Variants in MEIOB observed in about 807,000 individuals in gnomAD.
The protein encoded by MEIOB is meiosis-specific with OB domain-containing protein.
Under a neutral mutation model 53.1 loss-of-function variants are expected in MEIOB, and 50 were observed. The observed-to-expected ratio is 0.94, with a 90% confidence interval of 0.75 to 1.19. The LOEUF (loss-of-function observed/expected upper bound fraction) is 1.19, where lower values mean the gene tolerates loss of function less well. Among genes scored for constraint, MEIOB ranks in the 50% most tolerant of loss-of-function variants. The pLI, the probability that MEIOB is intolerant of heterozygous loss-of-function variation, is 0.00. For missense variants in MEIOB, 551 were observed against 550.8 expected (o/e 1.00, Z 0.00); for synonymous variants, 192 against 182.5 (o/e 1.05, Z -0.42).
chr16:1,846,556 A>C (rs62038438), intron 9 of MEIOB, among the ~76,000 whole-genome samples: 26,577 of 152,032 alleles, frequency 0.17, 2,431 homozygotes, highest in South Asian at 0.26. Flanking sequence ...AGCCCAAATG[A>C]CCATCAGTGG....
intron 12 of MEIOB, 64 bp downstream of exon 12, chr16:1,839,190 AT>A: frequency 6.2e-6 from 9 of 1,459,782 alleles, no homozygotes; most frequent in Admixed American, 2.7e-5. Flanking sequence ...AACAACCTAT[AT>A]TTTTTTGGGA....
At chr16:1,868,915 G>A (rs1207134825) in intron 1 of MEIOB, among the ~76,000 whole-genome samples, 3 of 151,972 alleles carry the variant, frequency 2.0e-5, no homozygotes, top group African/African-American at 7.2e-5. Flanking sequence ...ATAGTTTACT[G>A]CTTTGGAAAA....
intron 3 of MEIOB, among the ~76,000 whole-genome samples, chr16:1,863,886 G>A (rs1019482685): frequency 5.9e-5 from 9 of 152,116 alleles, no homozygotes; most frequent in African/African-American, 1.2e-4. Flanking sequence ...CTGGCTGGGC[G>A]CAGTTGCTCC....
Position 1,844,909 on chromosome 16 carries a change from T to C in MEIOB, c.833A>G (p.Asn278Ser), listed in dbSNP as rs775035952. The C allele has an allele frequency of 2.6e-6, 4 of 1,564,794 alleles. No individual in the cohort carries two copies. Among genetic ancestry groups the C allele is most frequent in the East Asian group, 2.3e-5 (1 of 44,252 alleles). Residue 278 changes from asparagine to serine, a missense_variant, in exon 10 of 14, where the codon AAT (asparagine) becomes AGT (serine). Asn to Ser is a conservative substitution (Grantham distance 46). Coordinates refer to ENST00000325962, the MANE Select transcript of MEIOB (RefSeq NM_001163560.3). ...LNFIRENKETNVLDDEIDSYF... is the reference protein window; with the variant it reads ...LNFIRENKETSVLDDEIDSYF... ...ACTGTCAATTTCATCATCCAGAACA[T>C]TCGTTTCTTTATTTTCTCGTATAAA...
chr16:1,844,812 C>A (rs572601671), intron 10 of MEIOB, 50 bp downstream of exon 10: 70 of 884,470 alleles, frequency 7.9e-5, no homozygotes, highest in South Asian at 7.6e-4. Context: ...CCTTTACAGG[C>A]CCAATTTCGG....
At chr16:1,844,816 A>G (rs1356546597) in intron 10 of MEIOB, 46 bp downstream of exon 10, 2 of 983,466 alleles carry the variant, frequency 2.0e-6, no homozygotes, top group Non-Finnish European at 3.2e-6. Flanking sequence ...TACAGGCCCA[A>G]TTTCGGCCTT....
chr16:1,867,009 T>C (rs1223343947), intron 2 of MEIOB, among the ~76,000 whole-genome samples: 1 of 152,180 alleles, frequency 6.6e-6, no homozygotes, highest in East Asian at 1.9e-4. Flanking sequence ...AGTAAAACTT[T>C]CTATCTGAAG....
rs1226906255 is a variant in MEIOB, at chr16:1,834,353, T to C, written c.1319A>G (p.His440Arg). 2.5e-6 allele frequency: 4 copies of C among 1,602,034 alleles called. No homozygotes were observed. The highest frequency in any genetic ancestry group is 1.1e-5 in the South Asian group (1 of 90,190). Residue 440 changes from histidine (H) to arginine (R), a missense_variant, in exon 14 of 14, where the codon CAC (histidine) becomes CGC (arginine). Physicochemically the swap from His to Arg is conservative, Grantham distance 29. Coordinates refer to ENST00000325962, the MANE Select transcript of MEIOB (RefSeq NM_001163560.3). ...AATTTTCAATCCACTCCTTGCTCTG[T>C]GTGATAGAACGAACTGCGAGGAGAA... is the stretch of plus-strand genomic sequence containing the variant. ...SKIYLKFVLS[H>R]RARSGLKISV...
chr16:1,854,119 A>T lies in MEIOB; in HGVS notation c.610T>A (p.Ser204Thr). The change falls in exon 7 of 14, where the codon TCG (serine) becomes ACG (threonine). Residue 204 changes from serine to threonine, a missense_variant. By Grantham distance (58) the Ser-to-Thr change is moderately conservative. Coordinates refer to ENST00000325962, the MANE Select transcript of MEIOB (RefSeq NM_001163560.3). ...CEVRLYDETE[S>T]SFAMTCWDNE... is the part of the protein sequence containing the mutation. ...GTTTACCATGTCATCGCAAAAGACG[A>T]CTCTGTTTCATCATAGAGTCTAACT... The T allele has an allele frequency of 1.3e-6, 2 of 1,550,016 alleles. No individual in the cohort carries two copies. Among genetic ancestry groups the T allele is most frequent in the South Asian group, 2.4e-5 (2 of 83,930 alleles).
chr16:1,869,592 C>A (rs1160610140), intron 1 of MEIOB, among the ~76,000 whole-genome samples: 1 of 152,038 alleles, frequency 6.6e-6, no homozygotes, highest in African/African-American at 2.4e-5. Context: ...GGATTACAGG[C>A]ACCTGCCACC....
chr16:1,838,826 G>A (rs937401381), intron 12 of MEIOB, among the ~76,000 whole-genome samples: 2 of 152,206 alleles, frequency 1.3e-5, no homozygotes, highest in African/African-American at 4.8e-5. Context: ...TGAGTAGCTA[G>A]GATTACAAGT....
chr16:1,834,422 T>C (rs748739884), intron 13 of MEIOB, 56 bp from the exon 14 acceptor site: 54 of 930,958 alleles, frequency 5.8e-5, no homozygotes, highest in Non-Finnish European at 8.6e-5. Flanking sequence ...TCCCCTTGTA[T>C]ATCAAGTTGA....
At chr16:1,866,579 A>G (rs2999968) in intron 2 of MEIOB, among the ~76,000 whole-genome samples, 125,253 of 151,792 alleles carry the variant, frequency 0.83, 51,797 homozygotes, top group Middle Eastern at 0.9. Flanking sequence ...AAAATTAGCC[A>G]GGTGTGGTGG....
intron 10 of MEIOB, 104 bp from the exon 11 acceptor site, chr16:1,842,077 A>C (rs369691266): frequency 2.8e-6 from 2 of 724,218 alleles, no homozygotes; most frequent in Non-Finnish European, 3.9e-6. Flanking sequence ...CAGTAGCTTA[A>C]GTAACAGAAA....
intron 9 of MEIOB, among the ~76,000 whole-genome samples, chr16:1,846,806 G>T (rs998923228): frequency 6.6e-6 from 1 of 152,158 alleles, no homozygotes; most frequent in African/African-American, 2.4e-5. Context: ...GTTGGGGAAT[G>T]GGGGGTGAGG....
intron 9 of MEIOB, among the ~76,000 whole-genome samples, chr16:1,852,183 TC>T (rs1267983965): frequency 1.3e-5 from 2 of 151,502 alleles, no homozygotes; most frequent in Non-Finnish European, 2.9e-5. Flanking sequence ...TAATTTAGCA[TC>T]CAAGCAATAA....
intron 4 of MEIOB, among the ~76,000 whole-genome samples, chr16:1,861,051 T>G (rs919007856): frequency 6.6e-6 from 1 of 152,178 alleles, no homozygotes; most frequent in Admixed American, 6.6e-5. Context: ...GTACACCATC[T>G]CATTTAATAT....
At chr16:1,839,764 C>T (rs754164242) in intron 11 of MEIOB, 2 of 254,578 alleles carry the variant, frequency 7.9e-6, no homozygotes, top group Non-Finnish European at 1.5e-5. Flanking sequence ...GCCTTTCTCT[C>T]TTGGAACAGC....
intron 12 of MEIOB, chr16:1,838,096 A>C (rs970642903): frequency 1.4e-6 from 1 of 716,826 alleles, no homozygotes; most frequent in East Asian, 2.7e-5. Flanking sequence ...TCCCGGGGTC[A>C]AGCAATCCTC....
Sources: gnomAD v4.1 joint callset for allele counts (sites outside exome capture counted in the v4.1 genomes callset) on GRCh38, gnomAD v4.1.1 for gene constraint, MANE v1.5 for transcripts, NCBI Gene and HGNC (gene_info 2026-07-23, HGNC 2026-07-21) for gene names.